PTPRM: variants seen among roughly 807,000 people sequenced by gnomAD.
The protein encoded by PTPRM is receptor-type tyrosine-protein phosphatase mu.
In PTPRM, 47 loss-of-function variants were observed where a neutral mutation model predicts 186.7. The ratio of observed to expected loss-of-function variants is 0.25; its 90% CI spans 0.20 to 0.32. PTPRM has a LOEUF of 0.32. PTPRM is among the 10% of genes least tolerant of loss of function. The pLI is 1.00. For synonymous variants in PTPRM, 668 were observed against 674.9 expected, an observed-to-expected ratio of 0.99 and a Z score of 0.16; for missense variants, 1,494 against 1,865.0, an observed-to-expected ratio of 0.80 and a Z score of 3.66.
chr18:7,692,883 C>G (rs1247992559), intron 1 of PTPRM, among the ~76,000 whole-genome samples: 1 of 152,136 alleles, frequency 6.6e-6, no homozygotes, highest in Non-Finnish European at 1.5e-5. Context: ...GTACATTTAT[C>G]CTTCCTTAAT....
At chr18:7,994,375 A>T (rs1205746852) in intron 7 of PTPRM, among the ~76,000 whole-genome samples, 1 of 152,076 alleles carries the variant, frequency 6.6e-6, no homozygotes, top group Non-Finnish European at 1.5e-5. Flanking sequence ...ACAATAACAG[A>T]TGGGGACTTC....
intron 7 of PTPRM, among the ~76,000 whole-genome samples, chr18:8,027,233 C>G (rs941855247): frequency 1.3e-5 from 2 of 152,122 alleles, no homozygotes; most frequent in East Asian, 3.8e-4. Context: ...AAGGATTAGC[C>G]TTTCAGGATT....
chr18:8,179,626 C>G (rs936462864), intron 14 of PTPRM, among the ~76,000 whole-genome samples: 1 of 152,058 alleles, frequency 6.6e-6, no homozygotes, highest in Non-Finnish European at 1.5e-5. Flanking sequence ...TGAGCCACCA[C>G]ACCCAGCTAA....
intron 19 of PTPRM, among the ~76,000 whole-genome samples, chr18:8,282,776 A>G (rs967665507): frequency 1.1e-4 from 16 of 152,196 alleles, no homozygotes; most frequent in African/African-American, 3.9e-4. Context: ...AAAACTCTGT[A>G]AATAAATATC....
intron 7 of PTPRM, among the ~76,000 whole-genome samples, chr18:7,995,150 G>A (rs1289684689): frequency 6.6e-6 from 1 of 152,000 alleles, no homozygotes; most frequent in Non-Finnish European, 1.5e-5. Context: ...CACAGAAATA[G>A]AATCATTAGA....
chr18:8,328,390 T>A (rs571678134), intron 22 of PTPRM, among the ~76,000 whole-genome samples: 3 of 152,340 alleles, frequency 2.0e-5, no homozygotes, highest in South Asian at 4.1e-4. Flanking sequence ...AACTTTTTTT[T>A]AAATCAAAAG....
At chr18:7,800,240 T>A (rs2043885982) in intron 2 of PTPRM, among the ~76,000 whole-genome samples, 1 of 152,182 alleles carries the variant, frequency 6.6e-6, no homozygotes, top group Admixed American at 6.5e-5. Context: ...CGCTGCCCAA[T>A]GTCATTTTTG....
chr18:8,248,678 C>T (rs1175585794), intron 17 of PTPRM, among the ~76,000 whole-genome samples: 1 of 152,144 alleles, frequency 6.6e-6, no homozygotes, highest in Non-Finnish European at 1.5e-5. Context: ...GGACTTCTGG[C>T]CCTCTACCCA....
At chr18:8,174,152 A>G (rs1369816179) in intron 14 of PTPRM, among the ~76,000 whole-genome samples, 1 of 152,136 alleles carries the variant, frequency 6.6e-6, no homozygotes, top group East Asian at 1.9e-4. Flanking sequence ...TGTCACCTCC[A>G]GAATAATGGC....
At chr18:8,065,220 A>C (rs1167671197) in intron 7 of PTPRM, among the ~76,000 whole-genome samples, 2 of 152,218 alleles carry the variant, frequency 1.3e-5, no homozygotes, top group African/African-American at 4.8e-5. Context: ...TTGAACCTGC[A>C]ATGGAAATTG....
Position 7,568,052 on chromosome 18 carries a change from G to A in PTPRM, c.73+161G>A, listed in dbSNP as rs2036471819. On this transcript the variant is annotated intron_variant, in intron 1 of 32. Coordinates refer to ENST00000580170, the MANE Select transcript of PTPRM (RefSeq NM_001105244.2). The surrounding 1 kb of genome is among the most constrained non-coding windows in gnomAD (Gnocchi z 5.1). ...CTTCTGCCTGTGAGCCGGGCGCTGG[G>A]CGAGGGGCCGTGGGGCTGGCAGGCA... is the stretch of plus-strand genomic sequence containing the variant. Among the ~76,000 whole-genome samples the A allele has an allele frequency of 6.6e-6, 1 of 151,962 alleles. No individual in the cohort carries two copies. Among genetic ancestry groups the A allele is most frequent in the Admixed American group, 6.5e-5 (1 of 15,274 alleles).
chr18:7,633,705 T>C (rs1317330289), intron 1 of PTPRM, among the ~76,000 whole-genome samples: 1 of 152,184 alleles, frequency 6.6e-6, no homozygotes, highest in Admixed American at 6.5e-5. Flanking sequence ...ATGCTCTTCC[T>C]GCATCCTCCG....
intron 20 of PTPRM, among the ~76,000 whole-genome samples, chr18:8,298,282 CCTTCAGCT>C (rs1331970776): frequency 3.3e-5 from 5 of 152,172 alleles, no homozygotes; most frequent in Non-Finnish European, 7.3e-5. Flanking sequence ...TCCAGGAGTC[CCTTCAGCT>C]CTGCAACAAA....
intron 30 of PTPRM, among the ~76,000 whole-genome samples, chr18:8,385,807 G>A (rs1011830205): frequency 1.3e-5 from 2 of 152,264 alleles, no homozygotes; most frequent in Non-Finnish European, 2.9e-5. Flanking sequence ...TCTGGCACCT[G>A]TGTTGAGAAT....
At chr18:7,588,288 C>A (rs1010874024) in intron 1 of PTPRM, among the ~76,000 whole-genome samples, 1 of 152,122 alleles carries the variant, frequency 6.6e-6, no homozygotes, top group Non-Finnish European at 1.5e-5. Context: ...CAGGGTCCAA[C>A]TTTGTATTTA....
At chr18:7,829,175 A>G (rs1598927323) in intron 2 of PTPRM, among the ~76,000 whole-genome samples, 1 of 152,228 alleles carries the variant, frequency 6.6e-6, no homozygotes. Context: ...ATTGTGACAT[A>G]TTTATATGGT....
intron 18 of PTPRM, 39 bp downstream of exon 18, chr18:8,252,538 G>T: frequency 6.5e-7 from 1 of 1,527,478 alleles, no homozygotes. Flanking sequence ...AGTTGTGGAG[G>T]GAGTGGGAGT....
intron 1 of PTPRM, among the ~76,000 whole-genome samples, chr18:7,633,261 G>A (rs1041318405): frequency 6.6e-6 from 1 of 152,040 alleles, no homozygotes; most frequent in Non-Finnish European, 1.5e-5. Flanking sequence ...AATTCAAAGG[G>A]GTTCAGATTT....
chr18:8,286,836 TA>T (rs2094962088), intron 19 of PTPRM, among the ~76,000 whole-genome samples: 1 of 152,180 alleles, frequency 6.6e-6, no homozygotes, highest in Non-Finnish European at 1.5e-5. Context: ...TACCATGACT[TA>T]AGTATTGCAG....
Sources: allele counts gnomAD v4.1 joint callset (sites outside exome capture counted in the v4.1 genomes callset), GRCh38; gene constraint gnomAD v4.1.1; non-coding constraint Gnocchi (gnomAD v3.1); transcripts MANE v1.5; gene names NCBI Gene and HGNC (gene_info 2026-07-23, HGNC 2026-07-21).